Variants in PDE1A observed in about 807,000 individuals in gnomAD.
PDE1A encodes phosphodiesterase 1A.
A neutral mutation model predicts 61.7 loss-of-function variants in PDE1A; 35 were observed. The observed-to-expected ratio is 0.57, with a 90% CI of 0.43 to 0.75. The LOEUF is 0.75. Among genes scored for constraint, PDE1A ranks in the 30% least tolerant of loss-of-function variants. PDE1A has a pLI of 0.00. For missense variants in PDE1A, 597 were observed against 630.6 expected, an observed-to-expected ratio of 0.95 and a Z score of 0.57; for synonymous variants, 232 against 213.2, an observed-to-expected ratio of 1.09 and a Z score of -0.77.
the PDE1A span, among the ~76,000 whole-genome samples, chr2:182,539,773 A>G: frequency 3.9e-5 from 6 of 152,326 alleles, no homozygotes; most frequent in East Asian, 3.9e-4. Flanking sequence ...TTGAATGACA[A>G]TGAAATGCAT....
At chr2:182,635,997 CCAGGCCGGACTG>C in the PDE1A span, among the ~76,000 whole-genome samples, 1 of 129,690 alleles carries the variant, frequency 7.7e-6, no homozygotes, top group Non-Finnish European at 1.6e-5. Flanking sequence ...GCTCTTTTGC[CCAGGCCGGACTG>C]CAGTGGCACT....
chr2:182,705,424 C>G, the PDE1A span, among the ~76,000 whole-genome samples: 3 of 152,144 alleles, frequency 2.0e-5, no homozygotes, highest in Non-Finnish European at 4.4e-5. Context: ...ATTAAGAAAA[C>G]CAAAGCCATT....
At chr2:182,373,718 C>T (rs1700241982) in intron 1 of PDE1A, among the ~76,000 whole-genome samples, 1 of 151,998 alleles carries the variant, frequency 6.6e-6, no homozygotes, top group African/African-American at 2.4e-5. Context: ...ACTAGTAAGG[C>T]TGAAAAATGA....
the PDE1A span, among the ~76,000 whole-genome samples, chr2:182,681,988 G>C: frequency 6.6e-6 from 1 of 152,174 alleles, no homozygotes; most frequent in African/African-American, 2.4e-5. Context: ...TCTCAACACA[G>C]TTTGGTCTTC....
chr2:182,234,737 C>T (rs1689869477), intron 3 of PDE1A, among the ~76,000 whole-genome samples: 1 of 152,094 alleles, frequency 6.6e-6, no homozygotes, highest in Admixed American at 6.5e-5. Context: ...CTTTAGTTTC[C>T]ATGTAAAGAT....
the PDE1A span, among the ~76,000 whole-genome samples, chr2:182,704,669 G>A: frequency 6.6e-6 from 1 of 152,166 alleles, no homozygotes; most frequent in African/African-American, 2.4e-5. Context: ...CAAAATTAAT[G>A]AGTAAGATGG....
chr2:182,566,632 T>C, the PDE1A span, among the ~76,000 whole-genome samples: 2,096 of 151,938 alleles, frequency 0.014, 48 homozygotes, highest in African/African-American at 0.048. Flanking sequence ...GGCTTCAGTG[T>C]TAGTTATTTA....
chr2:182,330,564 T>C lies in PDE1A; in HGVS notation c.54-66150A>G, dbSNP rs534050352. ...TGTGCAAGCCCTTCTCTCAGCTGTTTTCTCTCTGGCTTCAACCGTCTCTTT... is the reference window on the plus strand; with the variant it reads ...TGTGCAAGCCCTTCTCTCAGCTGTTCTCTCTCTGGCTTCAACCGTCTCTTT... On this transcript the variant is annotated intron_variant, in intron 1 of 13. Transcript: ENST00000351439. Among the ~76,000 whole-genome samples, 8 of 152,174 alleles carry C rather than the reference T, an allele frequency of 5.3e-5. No individual in the cohort carries two copies. In the South Asian group the frequency reaches 1.5e-3, roughly 28 times the overall value.
intron 1 of PDE1A, among the ~76,000 whole-genome samples, chr2:182,346,060 GC>G (rs2125070002): frequency 6.6e-6 from 1 of 152,134 alleles, no homozygotes; most frequent in Non-Finnish European, 1.5e-5. Flanking sequence ...TTATCATCAG[GC>G]TTTTAGATCT....
rs114942025 is a variant in PDE1A at position 182,150,085 on chromosome 2, C to T, written c.1517-2933G>A. Among the ~76,000 whole-genome samples the T allele has an allele frequency of 9.2e-3, 1,392 of 151,984 alleles. 11 individuals are homozygous for T. Among genetic ancestry groups the T allele is most frequent in the Non-Finnish European group, 0.011 (751 of 67,956 alleles). ...GTGATATAAAATGATACTTCAAGGT[C>T]GCTACACTAAATATAAGTGTATAAT... On this transcript the variant is annotated intron_variant, in intron 13 of 13. Transcript: ENST00000409365.
At chr2:182,591,636 T>G in the PDE1A span, among the ~76,000 whole-genome samples, 1 of 152,146 alleles carries the variant, frequency 6.6e-6, no homozygotes, top group African/African-American at 2.4e-5. Context: ...CACAACGCCC[T>G]GGGTATCTAC....
the PDE1A span, among the ~76,000 whole-genome samples, chr2:182,630,104 A>G: frequency 2.6e-4 from 40 of 152,140 alleles, no homozygotes; most frequent in Admixed American, 9.2e-4. Context: ...TATAGTATTA[A>G]TCTTCTGTGT....
At chr2:182,177,847 CAT>C (rs1267202932) in intron 13 of PDE1A, among the ~76,000 whole-genome samples, 1 of 152,084 alleles carries the variant, frequency 6.6e-6, no homozygotes, top group Non-Finnish European at 1.5e-5. Context: ...ATTTGTGTCA[CAT>C]GATTCAGTTC....
upstream of PDE1A, chr2:182,523,072 A>C (rs1472125415): frequency 6.6e-6 from 1 of 152,224 alleles, no homozygotes. Context: ...GAATATGTAC[A>C]TCAACTGATG....
intron 1 of PDE1A, among the ~76,000 whole-genome samples, chr2:182,390,825 T>A (rs985379387): frequency 6.6e-6 from 1 of 152,196 alleles, no homozygotes; most frequent in African/African-American, 2.4e-5. Context: ...ACAACATCCC[T>A]ACCCACAACC....
intron 13 of PDE1A, among the ~76,000 whole-genome samples, chr2:182,180,276 T>A (rs1030525983): frequency 6.6e-6 from 1 of 152,216 alleles, no homozygotes; most frequent in Non-Finnish European, 1.5e-5. Flanking sequence ...ATCATAATCA[T>A]AATGATAAAA....
chr2:182,419,455 C>A (rs189662304), intron 1 of PDE1A, among the ~76,000 whole-genome samples: 11 of 151,946 alleles, frequency 7.2e-5, no homozygotes, highest in African/African-American at 2.2e-4. Flanking sequence ...CCTGCCTTAG[C>A]CTCCCGAGTA....
At chr2:182,659,844 T>C in the PDE1A span, among the ~76,000 whole-genome samples, 1 of 152,222 alleles carries the variant, frequency 6.6e-6, no homozygotes, top group Non-Finnish European at 1.5e-5. Context: ...AAACCACATC[T>C]CAAAGGTAAA....
intron 2 of PDE1A, among the ~76,000 whole-genome samples, chr2:182,485,006 C>G (rs1687927949): frequency 6.6e-6 from 1 of 151,972 alleles, no homozygotes; most frequent in Admixed American, 6.6e-5. Context: ...CCAGCAATTC[C>G]ATTACTAGGT....
Sources: allele counts gnomAD v4.1 joint callset (sites outside exome capture counted in the v4.1 genomes callset), GRCh38; gene constraint gnomAD v4.1.1; transcripts MANE v1.5; gene names NCBI Gene and HGNC (gene_info 2026-07-23, HGNC 2026-07-21).